Variants in CCDC3 observed in about 807,000 individuals in gnomAD.
The protein encoded by CCDC3 is coiled-coil domain-containing protein 3.
Under a neutral mutation model 21.4 loss-of-function variants are expected in CCDC3, and 24 were observed. The ratio of observed to expected loss-of-function variants is 1.12; its 90% CI spans 0.81 to 1.58. CCDC3 has a LOEUF of 1.58. CCDC3 is among the 40% of genes most tolerant of loss of function. CCDC3 has a pLI of 0.00. For missense variants in CCDC3, 425 were observed against 360.9 expected, an observed-to-expected ratio of 1.18 and a Z score of -1.44; for synonymous variants, 186 against 166.0, an observed-to-expected ratio of 1.12 and a Z score of -0.93.
chr10:12,911,945 T>C (rs1057412770), intron 2 of CCDC3, among the ~76,000 whole-genome samples: 2 of 152,206 alleles, frequency 1.3e-5, no homozygotes, highest in Non-Finnish European at 2.9e-5. Flanking sequence ...TATCCTCCAG[T>C]TTCATCCATT....
intron 2 of CCDC3, among the ~76,000 whole-genome samples, chr10:12,948,467 GCA>G (rs35847630): frequency 0.63 from 93,918 of 148,120 alleles, 29,740 homozygotes; most frequent in Middle Eastern, 0.69. Context: ...GCAGACAATT[GCA>G]CACACACACA....
At chr10:12,925,324 A>G (rs1370219082) in intron 2 of CCDC3, among the ~76,000 whole-genome samples, 2 of 152,210 alleles carry the variant, frequency 1.3e-5, no homozygotes, top group Non-Finnish European at 2.9e-5. Flanking sequence ...GCTTATATTC[A>G]ATAGGTAACC....
rs200836725 is a variant in CCDC3, at chr10:12,994,974, G to A, written c.549+3364C>T. 4.6e-5 allele frequency among the ~76,000 whole-genome samples: 7 copies of A among 151,814 alleles called. No individual in the cohort carries two copies. The East Asian group carries it at 1.4e-3, about 30-fold the overall frequency. Reference sequence around the variant, plus strand: ...CACATACCTGTAATCCCAACTACTTGGGAAGCTGAGGCAGGAGAATCACTT... The same window carrying A: ...CACATACCTGTAATCCCAACTACTTAGGAAGCTGAGGCAGGAGAATCACTT... On this transcript the variant is annotated intron_variant, in intron 2 of 2. Coordinates refer to ENST00000378825, the MANE Select transcript of CCDC3 (RefSeq NM_031455.4).
intron 2 of CCDC3, among the ~76,000 whole-genome samples, chr10:12,974,874 G>C (rs1835392993): frequency 6.6e-6 from 1 of 152,148 alleles, no homozygotes; most frequent in Admixed American, 6.5e-5. Context: ...TTTCATCGTT[G>C]AACGTTACTA....
intron 4 of CCDC3, among the ~76,000 whole-genome samples, chr10:13,068,823 GTA>G (rs1836851169): frequency 6.6e-6 from 1 of 152,234 alleles, no homozygotes; most frequent in Non-Finnish European, 1.5e-5. Flanking sequence ...CATGTGAGGT[GTA>G]TAAGAACAGT....
chr10:13,071,550 G>A (rs118035642), intron 4 of CCDC3, among the ~76,000 whole-genome samples: 5 of 152,322 alleles, frequency 3.3e-5, no homozygotes, highest in Admixed American at 1.3e-4. Flanking sequence ...GAGACAGGGC[G>A]TATGTGGGTA....
intron 2 of CCDC3, among the ~76,000 whole-genome samples, chr10:12,970,606 C>T (rs994790907): frequency 5.1e-4 from 77 of 152,276 alleles, no homozygotes; most frequent in African/African-American, 1.6e-3. Flanking sequence ...GGGCCGGGTA[C>T]GGTGGCTCAC....
intron 2 of CCDC3, among the ~76,000 whole-genome samples, chr10:12,981,357 G>T (rs923378893): frequency 1.3e-5 from 2 of 151,630 alleles, no homozygotes; most frequent in Non-Finnish European, 2.9e-5. Flanking sequence ...TTTTTGTATT[G>T]TATTTTTAGT....
rs766190264 is a variant in CCDC3 at position 12,898,668 on chromosome 10, G to A, written c.561C>T (p.Ser187=). 2 of 1,614,170 alleles carry A rather than the reference G, an allele frequency of 1.2e-6. No homozygotes were observed. Among genetic ancestry groups the A allele is most frequent in the Non-Finnish European group, 1.7e-6 (2 of 1,179,990 alleles). The change falls in exon 3 of 3, where the codon TCC becomes TCT. Residue 187 remains serine, a synonymous_variant. Transcript: ENST00000378825. The part of the protein sequence containing the change: ...EIQEDSRLMC[S]SVQKALFEEE... ...CCTCAAACAAGGCCTTCTGCACCGA[G>A]GAGCACATGAGCTGGAGGCAGAGAC...
intron 4 of CCDC3, among the ~76,000 whole-genome samples, chr10:13,068,885 C>A (rs1047431962): frequency 6.6e-6 from 1 of 152,230 alleles, no homozygotes; most frequent in African/African-American, 2.4e-5. Context: ...AATGTAAATT[C>A]TTTCCTAGGC....
At chr10:12,942,061 T>G (rs1207102634) in intron 2 of CCDC3, among the ~76,000 whole-genome samples, 1 of 152,232 alleles carries the variant, frequency 6.6e-6, no homozygotes, top group African/African-American at 2.4e-5. Context: ...AAGTCTATGC[T>G]CTATGCCTTT....
At position 12,980,434 on chromosome 10, in the gene CCDC3, C is replaced by A. The variant is rs184192028; in HGVS notation, c.549+17904G>T. 2.6e-5 allele frequency among the ~76,000 whole-genome samples: 4 copies of A among 152,294 alleles called. No homozygotes were observed. The East Asian group carries it at 7.7e-4, about 29-fold the overall frequency. ...CACAGCCATCAGTCCCCAGAAATGT[C>A]CCCACGGGTCTGTAAAACCTCCGTG... On this transcript the variant is annotated intron_variant, in intron 2 of 2. Coordinates refer to ENST00000378825, the MANE Select transcript of CCDC3 (RefSeq NM_031455.4).
At chr10:12,993,789 A>G (rs1382196282) in intron 2 of CCDC3, among the ~76,000 whole-genome samples, 1 of 152,196 alleles carries the variant, frequency 6.6e-6, no homozygotes. Context: ...TTTGAAAGAA[A>G]GATCCCGTTG....
At chr10:12,958,756 T>G (rs1432156859) in intron 2 of CCDC3, among the ~76,000 whole-genome samples, 1 of 152,134 alleles carries the variant, frequency 6.6e-6, no homozygotes, top group East Asian at 1.9e-4. Flanking sequence ...CAAGCTGACA[T>G]CAGCCTCATC....
intron 4 of CCDC3, among the ~76,000 whole-genome samples, chr10:13,060,400 A>G (rs1659841): frequency 0.58 from 88,282 of 151,906 alleles, 26,476 homozygotes; most frequent in African/African-American, 0.73. Flanking sequence ...TGTGGGCTGG[A>G]GAGGAGTTGC....
At chr10:13,011,801 T>C (rs1320090172) in intron 5 of CCDC3, among the ~76,000 whole-genome samples, 1 of 152,118 alleles carries the variant, frequency 6.6e-6, no homozygotes, top group South Asian at 2.1e-4. Flanking sequence ...CAAACAGTAC[T>C]ATAAGGCTAC....
intron 2 of CCDC3, among the ~76,000 whole-genome samples, chr10:12,935,864 C>T (rs1196333017): frequency 3.3e-5 from 5 of 152,324 alleles, no homozygotes; most frequent in East Asian, 3.9e-4. Flanking sequence ...CACTACACTG[C>T]TTCACAGGTG....
At chr10:13,011,031 T>C (rs1835978037) in intron 5 of CCDC3, among the ~76,000 whole-genome samples, 1 of 151,876 alleles carries the variant, frequency 6.6e-6, no homozygotes, top group African/African-American at 2.4e-5. Context: ...AATACAAAAA[T>C]TAGCTGGGCC....
At chr10:12,996,869 G>T (rs34550319) in intron 2 of CCDC3, among the ~76,000 whole-genome samples, 6,217 of 152,168 alleles carry the variant, frequency 0.041, 173 homozygotes, top group South Asian at 0.075. Flanking sequence ...TATAATGGGA[G>T]CTAAACATTG....
Sources: allele counts gnomAD v4.1 joint callset (sites outside exome capture counted in the v4.1 genomes callset), GRCh38; gene constraint gnomAD v4.1.1; transcripts MANE v1.5; gene names NCBI Gene and HGNC (gene_info 2026-07-23, HGNC 2026-07-21).